CAMKMT: variants seen among roughly 807,000 people sequenced by gnomAD.
CAMKMT encodes calmodulin-lysine N-methyltransferase, also known as CaM KMT.
Under a neutral mutation model 48.0 loss-of-function variants are expected in CAMKMT, and 53 were observed. The ratio of observed to expected loss-of-function variants is 1.10; its 90% CI spans 0.89 to 1.39. CAMKMT has a LOEUF of 1.39. CAMKMT is among the 40% of genes most tolerant of loss of function. The pLI is 0.00. For synonymous variants in CAMKMT, 165 were observed against 152.3 expected (o/e 1.08, Z -0.61); for missense variants, 428 against 402.7 (o/e 1.06, Z -0.54).
chr2:44,435,635 C>G (rs1046041614), intron 3 of CAMKMT, among the ~76,000 whole-genome samples: 1 of 152,184 alleles, frequency 6.6e-6, no homozygotes, highest in Non-Finnish European at 1.5e-5. Context: ...CACTATGTTT[C>G]TGACTTCACA....
At chr2:44,489,306 C>T (rs1054750265) in intron 3 of CAMKMT, among the ~76,000 whole-genome samples, 4 of 143,564 alleles carry the variant, frequency 2.8e-5, no homozygotes, top group Admixed American at 7.3e-5. Flanking sequence ...AGTGCAATGG[C>T]GCAATCTTGG....
chr2:44,543,951 G>A (rs574397741), intron 3 of CAMKMT, among the ~76,000 whole-genome samples: 1 of 152,200 alleles, frequency 6.6e-6, no homozygotes, highest in Non-Finnish European at 1.5e-5. Context: ...TCAGAAGGTA[G>A]CAAATATTGG....
rs191238320 is a variant in CAMKMT at position 44,753,551 on chromosome 2, C to G, written c.699-504C>G. On this transcript the variant is annotated intron_variant, in intron 8 of 10. Transcript: ENST00000378494. ...TCTTTGTTTTTGTAGCTGTTCACTC[C>G]TAAGTCAGACGTTGAATCTAACCTC... is the stretch of plus-strand genomic sequence containing the variant. 1.6e-3 allele frequency among the ~76,000 whole-genome samples: 245 copies of G among 152,272 alleles called. 1 individual carries two copies. Among genetic ancestry groups the G allele is most frequent in the Non-Finnish European group, 2.9e-3 (194 of 68,018 alleles).
At chr2:44,485,601 G>A (rs72790021) in intron 3 of CAMKMT, among the ~76,000 whole-genome samples, 5,209 of 152,212 alleles carry the variant, frequency 0.034, 93 homozygotes, top group African/African-American at 0.04. Flanking sequence ...ATAGCCTGCC[G>A]CTCTGAGGCT....
intron 3 of CAMKMT, among the ~76,000 whole-genome samples, chr2:44,571,837 A>G (rs1668922429): frequency 6.6e-6 from 1 of 152,190 alleles, no homozygotes; most frequent in Non-Finnish European, 1.5e-5. Flanking sequence ...AAACTAAAAA[A>G]GAGACAAAAC....
chr2:44,716,491 A>G (rs921198996), intron 7 of CAMKMT, among the ~76,000 whole-genome samples: 1 of 152,318 alleles, frequency 6.6e-6, no homozygotes, highest in African/African-American at 2.4e-5. Flanking sequence ...TGAAGTGTCC[A>G]TAGTGTATTT....
At chr2:44,698,880 T>TA (rs1245402123) in intron 3 of CAMKMT, among the ~76,000 whole-genome samples, 1 of 152,222 alleles carries the variant, frequency 6.6e-6, no homozygotes, top group Admixed American at 6.5e-5. Context: ...CAACTCAGTT[T>TA]ATGTAATATT....
intron 3 of CAMKMT, among the ~76,000 whole-genome samples, chr2:44,647,662 T>C (rs959681595): frequency 6.6e-6 from 1 of 151,972 alleles, no homozygotes; most frequent in African/African-American, 2.4e-5. Context: ...TCCTAGCACT[T>C]CGGGAGGCTG....
At chr2:44,478,702 C>CT (rs11323347) in intron 3 of CAMKMT, among the ~76,000 whole-genome samples, 40 of 106,370 alleles carry the variant, frequency 3.8e-4, no homozygotes, top group African/African-American at 8.3e-4. Context: ...TCTTTTCTTC[C>CT]TTTTTTTTTT....
chr2:44,375,335 A>G (rs1679575531), intron 2 of CAMKMT, among the ~76,000 whole-genome samples: 1 of 151,880 alleles, frequency 6.6e-6, no homozygotes, highest in South Asian at 2.1e-4. Flanking sequence ...ATAGTGTTAA[A>G]TTCAAACCAA....
At chr2:44,431,544 T>C (rs893165805) in intron 3 of CAMKMT, among the ~76,000 whole-genome samples, 6 of 152,194 alleles carry the variant, frequency 3.9e-5, no homozygotes, top group African/African-American at 7.2e-5. Flanking sequence ...ATTAGTGCAA[T>C]AGACTTTCTA....
intron 3 of CAMKMT, among the ~76,000 whole-genome samples, chr2:44,515,609 G>A (rs542667991): frequency 2.0e-4 from 31 of 152,320 alleles, no homozygotes; most frequent in South Asian, 1.0e-3. Context: ...GCACCAGTGA[G>A]TGAGTCAGTG....
At chr2:44,588,581 G>T (rs1196485060) in intron 3 of CAMKMT, among the ~76,000 whole-genome samples, 1 of 25,972 alleles carries the variant, frequency 3.9e-5, no homozygotes, top group Non-Finnish European at 7.9e-5. Flanking sequence ...CCGGCCAGCC[G>T]CCCCGTCCAG....
intron 7 of CAMKMT, 46 bp from the exon 8 acceptor site, chr2:44,743,576 T>TA (rs755799264): frequency 6.2e-5 from 88 of 1,415,122 alleles, no homozygotes; most frequent in Middle Eastern, 2.3e-4. Flanking sequence ...AATCAAAATT[T>TA]AAAAAAAACC....
intron 3 of CAMKMT, among the ~76,000 whole-genome samples, chr2:44,568,696 G>C (rs1419389672): frequency 1.3e-5 from 2 of 152,156 alleles, no homozygotes; most frequent in Non-Finnish European, 2.9e-5. Context: ...TCATGGACAT[G>C]GCAGGGGTTT....
intron 3 of CAMKMT, among the ~76,000 whole-genome samples, chr2:44,532,652 G>GC (rs1666549818): frequency 6.6e-6 from 1 of 152,134 alleles, no homozygotes. Context: ...GCAAAAGGGG[G>GC]CAAATTTATT....
chr2:44,380,876 T>G (rs1197642638), intron 2 of CAMKMT, among the ~76,000 whole-genome samples: 1 of 152,066 alleles, frequency 6.6e-6, no homozygotes, highest in Non-Finnish European at 1.5e-5. Flanking sequence ...GAAATAATGC[T>G]TTCGGCCGGG....
At chr2:44,462,800 TA>T (rs1667916482) in intron 3 of CAMKMT, among the ~76,000 whole-genome samples, 1 of 152,216 alleles carries the variant, frequency 6.6e-6, no homozygotes, top group Non-Finnish European at 1.5e-5. Context: ...TTAATTCTCT[TA>T]ATCTAAAGAT....
intron 3 of CAMKMT, among the ~76,000 whole-genome samples, chr2:44,422,810 G>A (rs1007858197): frequency 8.5e-5 from 13 of 152,074 alleles, no homozygotes; most frequent in Admixed American, 3.3e-4. Flanking sequence ...CACTCTAATG[G>A]AGTTTCCAGT....
Sources: gnomAD v4.1 joint callset for allele counts (sites outside exome capture counted in the v4.1 genomes callset) on GRCh38, gnomAD v4.1.1 for gene constraint, MANE v1.5 for transcripts, NCBI Gene and HGNC (gene_info 2026-07-23, HGNC 2026-07-21) for gene names.